Variants in GFM1 observed in about 807,000 individuals in gnomAD.
GFM1 encodes the protein elongation factor G, mitochondrial.
Under a neutral mutation model 96.2 loss-of-function variants are expected in GFM1, and 62 were observed. That is an observed-to-expected ratio of 0.64 (90% confidence interval 0.53 to 0.80). GFM1 has a LOEUF of 0.80. GFM1 is among the 30% of genes least tolerant of loss of function. GFM1 has a pLI of 0.00. For synonymous variants in GFM1, 282 were observed against 312.9 expected (o/e 0.90, Z 1.04); for missense variants, 852 against 916.6 (o/e 0.93, Z 0.91).
At chr3:158,648,965 T>A (rs1722071513) in intron 4 of GFM1, 76 bp from the exon 5 acceptor site, 3 of 782,906 alleles carry the variant, frequency 3.8e-6, no homozygotes, top group Non-Finnish European at 2.3e-6. Flanking sequence ...ACTGATTTTT[T>A]AAAATATTCA....
chr3:158,685,771 G>C (rs1017886219), intron 15 of GFM1, among the ~76,000 whole-genome samples: 6 of 152,130 alleles, frequency 3.9e-5, no homozygotes, highest in African/African-American at 1.4e-4. Context: ...AAACAGGTAA[G>C]TAAAATGACA....
chr3:158,650,312 A>G (rs773007580), intron 5 of GFM1: 11 of 482,174 alleles, frequency 2.3e-5, no homozygotes, highest in Admixed American at 1.6e-4. Flanking sequence ...ACTAGTTACA[A>G]CTAGGCAGTT....
At position 158,684,537 on chromosome 3, in the gene GFM1, C is replaced by G; in HGVS notation, c.1778C>G (p.Ala593Gly). The G allele has an allele frequency of 1.2e-6, 2 of 1,614,004 alleles. No individual in the cohort carries two copies. The highest frequency in any genetic ancestry group is 2.2e-5 in the South Asian group (2 of 91,078). The change falls in exon 15 of 18, where the codon GCC becomes GGC. Residue 593 changes from alanine to glycine, a missense_variant. Transcript: ENST00000486715. ...ATTCATTAACAGGGGTTTTTAGATG[C>G]CTGCGAGAAGGGCCCTCTTTCTGGT... ...VPAVEKGFLD[A>G]CEKGPLSGHK... is the part of the protein sequence containing the mutation.
At position 158,691,277 on chromosome 3, in the gene GFM1, T is replaced by G. The variant is rs1308161741; in HGVS notation, c.2125-59T>G. 3 of 1,608,406 alleles carry G rather than the reference T, an allele frequency of 1.9e-6. No homozygotes were observed. In the East Asian group the frequency reaches 6.7e-5, roughly 36 times the overall value. ...ATCTTGACCTTGTATGACTTTTACT[T>G]GATAGTTTAAAAAACAAACAAACAA... On this transcript the variant is annotated intron_variant, in intron 17 of 17. Transcript: ENST00000486715.
chr3:158,695,203 G>T lies in GFM1; in HGVS notation c.*3736G>T, dbSNP rs1028725912. On this transcript the variant is annotated 3_prime_UTR_variant, in exon 18 of 18. Coordinates refer to ENST00000486715, the MANE Select transcript of GFM1 (RefSeq NM_024996.7). ...ACCCTGGCCAACACGGTGAAACCCC[G>T]TCTCTACTATAAATACAAAAATCGT... is the stretch of plus-strand genomic sequence containing the variant. Among the ~76,000 whole-genome samples the T allele has an allele frequency of 1.3e-5, 2 of 151,778 alleles. No homozygotes were observed. Among genetic ancestry groups the T allele is most frequent in the Non-Finnish European group, 2.9e-5 (2 of 67,940 alleles).
In GFM1 at chr3:158,669,042, T is replaced by C. The variant is rs1010295628; in HGVS notation, c.1601+2656T>C. 3 of 1,613,494 alleles carry C rather than the reference T, an allele frequency of 1.9e-6. No homozygotes were observed. The highest frequency in any genetic ancestry group is 2.7e-5 in the African/African-American group (2 of 74,888). On this transcript the variant is annotated intron_variant, in intron 13 of 17. Coordinates refer to ENST00000486715, the MANE Select transcript of GFM1 (RefSeq NM_024996.7). ...TTTTACCATTTTATACCATGTGTCT[T>C]CAGTAGAATTTTGCCATATTATATA...
intron 13 of GFM1, among the ~76,000 whole-genome samples, chr3:158,673,702 G>A (rs1340064771): frequency 4.0e-5 from 6 of 151,488 alleles, no homozygotes; most frequent in Non-Finnish European, 7.4e-5. Flanking sequence ...TAGTAGAGAC[G>A]GGTTTAGGCT....
chr3:158,647,529 GC>G (rs1721919488), intron 4 of GFM1, among the ~76,000 whole-genome samples: 1 of 152,160 alleles, frequency 6.6e-6, no homozygotes, highest in Non-Finnish European at 1.5e-5. Context: ...TTGTAGATGT[GC>G]ACGTGTAGCT....
chr3:158,657,683 C>T (rs1314950078), intron 8 of GFM1, among the ~76,000 whole-genome samples: 1 of 152,048 alleles, frequency 6.6e-6, no homozygotes, highest in Non-Finnish European at 1.5e-5. Flanking sequence ...ATTAATTCAA[C>T]TGGAATTTGT....
chr3:158,647,188 G>T (rs1721889646), intron 4 of GFM1, among the ~76,000 whole-genome samples: 1 of 152,302 alleles, frequency 6.6e-6, no homozygotes, highest in Non-Finnish European at 1.5e-5. Flanking sequence ...GGTTGAAGAT[G>T]AATTCAGAAA....
At chr3:158,666,255 T>G in intron 12 of GFM1, 49 bp from the exon 13 acceptor site, 6 of 1,368,240 alleles carry the variant, frequency 4.4e-6, no homozygotes, top group African/African-American at 1.4e-5. Flanking sequence ...GAGGTTTTCT[T>G]TCGGTTTATT....
chr3:158,684,354 T>TA (rs528084169), intron 14 of GFM1, among the ~76,000 whole-genome samples, 170 bp from the exon 15 acceptor site: 12 of 149,268 alleles, frequency 8.0e-5, no homozygotes, highest in South Asian at 4.2e-4. Flanking sequence ...ACTTAAAAGT[T>TA]AAAAAAAAAA....
intron 13 of GFM1, chr3:158,666,600 T>G (rs375907132): frequency 1.3e-6 from 2 of 1,523,288 alleles, no homozygotes; most frequent in Non-Finnish European, 1.8e-6. Flanking sequence ...GAAATTGGCA[T>G]ACACATCAAT....
intron 13 of GFM1, among the ~76,000 whole-genome samples, chr3:158,668,086 A>G (rs1208231074): frequency 1.3e-5 from 2 of 152,298 alleles, no homozygotes; most frequent in Admixed American, 6.5e-5. Context: ...GAGGATCTCT[A>G]TAGAGCAGAT....
chr3:158,651,318 T>C (rs937313323), intron 5 of GFM1, among the ~76,000 whole-genome samples: 2 of 152,162 alleles, frequency 1.3e-5, no homozygotes, highest in Non-Finnish European at 2.9e-5. Flanking sequence ...GATTGTTATG[T>C]TGTGATTAAT....
chr3:158,665,736 C>T lies in GFM1; in HGVS notation c.1518+262C>T, dbSNP rs560520845. Among the ~76,000 whole-genome samples the T allele has an allele frequency of 1.2e-4, 18 of 152,250 alleles. No individual in the cohort carries two copies. In the South Asian group the frequency reaches 2.7e-3, roughly 23 times the overall value. On this transcript the variant is annotated intron_variant, in intron 12 of 17. Transcript: ENST00000486715. ...ATTTGCAACAAGAATATCTGTCCAT[C>T]CCCAGGTCATGGGTAACTGGGTCAA...
At chr3:158,660,007 A>G (rs1166975487) in intron 9 of GFM1, among the ~76,000 whole-genome samples, 1 of 152,192 alleles carries the variant, frequency 6.6e-6, no homozygotes, top group Non-Finnish European at 1.5e-5. Flanking sequence ...TCAATGTAAA[A>G]CGACAAAAAC....
At chr3:158,672,737 G>A (rs1330705495) in intron 13 of GFM1, 2 of 379,614 alleles carry the variant, frequency 5.3e-6, no homozygotes, top group South Asian at 2.8e-5. Flanking sequence ...TCCTTACTCC[G>A]CCTGCTGGTT....
At chr3:158,673,476 G>A (rs1191594574) in intron 13 of GFM1, among the ~76,000 whole-genome samples, 2 of 150,180 alleles carry the variant, frequency 1.3e-5, no homozygotes, top group Non-Finnish European at 3.0e-5. Flanking sequence ...GGTCTTCGCT[G>A]CCTGGATTGA....
Sources: allele counts gnomAD v4.1 joint callset (sites outside exome capture counted in the v4.1 genomes callset), GRCh38; gene constraint gnomAD v4.1.1; transcripts MANE v1.5; gene names NCBI Gene and HGNC (gene_info 2026-07-23, HGNC 2026-07-21).